The following DCC variants were observed in gnomAD, a reference collection of about 807,000 sequenced individuals.
The protein encoded by DCC is netrin receptor DCC.
DCC carries 58 observed loss-of-function variants against 172.5 expected under a neutral mutation model. The ratio of observed to expected loss-of-function variants is 0.34; its 90% CI spans 0.27 to 0.42. The LOEUF (loss-of-function observed/expected upper bound fraction) is 0.42. Among genes scored for constraint, DCC ranks in the 10% least tolerant of loss-of-function variants. The probability of loss-of-function intolerance (pLI) is 1.00; values close to 1 mark genes in which losing one functional copy is unlikely to be tolerated. For synonymous variants in DCC, 709 were observed against 644.5 expected (o/e 1.10, Z -1.52); for missense variants, 1,740 against 1,791.0 (o/e 0.97, Z 0.51).
chr18:52,994,023 A>T (rs2041438757), intron 5 of DCC, among the ~76,000 whole-genome samples: 1 of 152,102 alleles, frequency 6.6e-6, no homozygotes, highest in South Asian at 2.1e-4. Context: ...ACACTGACAA[A>T]ACTATCCAGC....
chr18:52,718,183 G>A (rs1293745761), intron 1 of DCC, among the ~76,000 whole-genome samples: 1 of 152,028 alleles, frequency 6.6e-6, no homozygotes, highest in Non-Finnish European at 1.5e-5. Flanking sequence ...TTCTAGGTAA[G>A]TGTTTTGCTT....
intron 15 of DCC, among the ~76,000 whole-genome samples, chr18:53,364,834 G>A (rs2057985229): frequency 6.6e-6 from 1 of 152,012 alleles, no homozygotes; most frequent in South Asian, 2.1e-4. Flanking sequence ...TCCCACAAAT[G>A]TACATGTGCA....
At chr18:52,964,114 G>A (rs894629964) in intron 5 of DCC, among the ~76,000 whole-genome samples, 2 of 152,136 alleles carry the variant, frequency 1.3e-5, no homozygotes, top group Non-Finnish European at 1.5e-5. Context: ...AGAGCATAGA[G>A]AGAATAAATA....
At chr18:53,419,008 AC>A (rs1311334047) in intron 21 of DCC, among the ~76,000 whole-genome samples, 3 of 152,172 alleles carry the variant, frequency 2.0e-5, no homozygotes, top group Non-Finnish European at 4.4e-5. Flanking sequence ...TCTTCCAGGC[AC>A]AGGTGGCAAA....
intron 4 of DCC, among the ~76,000 whole-genome samples, chr18:52,924,594 T>A (rs963095756): frequency 1.3e-5 from 2 of 152,106 alleles, no homozygotes; most frequent in African/African-American, 2.4e-5. Flanking sequence ...TCTTACTTAA[T>A]TTCATTGATT....
chr18:53,386,421 C>T (rs1463607480), intron 16 of DCC, among the ~76,000 whole-genome samples: 1 of 152,080 alleles, frequency 6.6e-6, no homozygotes, highest in East Asian at 1.9e-4. Context: ...CAATCTGTTC[C>T]TTCCCAATAG....
intron 7 of DCC, among the ~76,000 whole-genome samples, chr18:53,103,780 C>T (rs1049605760): frequency 6.6e-6 from 1 of 151,976 alleles, no homozygotes; most frequent in Non-Finnish European, 1.5e-5. Flanking sequence ...TGAATGGATT[C>T]TTCTGCCACA....
At chr18:53,291,558 TC>T (rs1448329391) in intron 12 of DCC, among the ~76,000 whole-genome samples, 3 of 152,218 alleles carry the variant, frequency 2.0e-5, no homozygotes, top group African/African-American at 7.2e-5. Context: ...CACTGTATTT[TC>T]TGCCTTAAAT....
intron 5 of DCC, among the ~76,000 whole-genome samples, chr18:53,001,279 A>C (rs2041561212): frequency 6.6e-6 from 1 of 152,140 alleles, no homozygotes; most frequent in South Asian, 2.1e-4. Context: ...AGGAGAGTTC[A>C]TAAGTTTGTC....
At chr18:53,425,357 C>CT (rs747096336) in intron 21 of DCC, among the ~76,000 whole-genome samples, 6,343 of 101,560 alleles carry the variant, frequency 0.062, 620 homozygotes, top group African/African-American at 0.16. Flanking sequence ...TTTCTCCTCT[C>CT]TTTTTTTTTT....
intron 7 of DCC, among the ~76,000 whole-genome samples, chr18:53,099,114 C>T (rs2043126932): frequency 6.6e-6 from 1 of 152,062 alleles, no homozygotes; most frequent in Non-Finnish European, 1.5e-5. Flanking sequence ...GTTTTAATAG[C>T]CACTTATGTT....
intron 1 of DCC, among the ~76,000 whole-genome samples, chr18:52,641,682 C>T (rs886829797): frequency 6.6e-6 from 1 of 151,856 alleles, no homozygotes; most frequent in Non-Finnish European, 1.5e-5. Flanking sequence ...CTTATTCCTG[C>T]AAGAATGGCC....
intron 2 of DCC, among the ~76,000 whole-genome samples, chr18:52,765,107 CA>C (rs2145155188): frequency 6.6e-6 from 1 of 151,504 alleles, no homozygotes; most frequent in South Asian, 2.1e-4. Context: ...CAGCTCACTG[CA>C]ACCTCCGCCT....
chr18:52,802,525 A>G (rs1175496797), intron 2 of DCC, among the ~76,000 whole-genome samples: 2 of 149,664 alleles, frequency 1.3e-5, no homozygotes, highest in African/African-American at 4.9e-5. Flanking sequence ...TCCAGGCTGC[A>G]GGGCAGTGGC....
At chr18:52,970,481 C>T (rs2041012498) in intron 5 of DCC, among the ~76,000 whole-genome samples, 1 of 151,998 alleles carries the variant, frequency 6.6e-6, no homozygotes, top group African/African-American at 2.4e-5. Context: ...GTATATATAT[C>T]AACATTACTC....
chr18:52,808,986 A>T (rs111450059), intron 2 of DCC, among the ~76,000 whole-genome samples: 10 of 152,258 alleles, frequency 6.6e-5, no homozygotes, highest in African/African-American at 1.9e-4. Context: ...CCCTAGGTTT[A>T]TGTCTACAAA....
intron 8 of DCC, among the ~76,000 whole-genome samples, chr18:53,161,449 T>C (rs1188627714): frequency 6.6e-6 from 1 of 152,214 alleles, no homozygotes. Flanking sequence ...GATCTGCACA[T>C]ATCAAATTGC....
chr18:53,161,890 G>T (rs2054845395), intron 8 of DCC, among the ~76,000 whole-genome samples: 1 of 151,944 alleles, frequency 6.6e-6, no homozygotes, highest in Non-Finnish European at 1.5e-5. Context: ...TTGGAAGGCT[G>T]GTTATGATTT....
At chr18:53,083,663 T>C (rs1323366737) in intron 7 of DCC, among the ~76,000 whole-genome samples, 2 of 152,164 alleles carry the variant, frequency 1.3e-5, no homozygotes, top group African/African-American at 4.8e-5. Flanking sequence ...AAAAATATGA[T>C]GGCATACTTC....
Sources: allele counts gnomAD v4.1 joint callset (sites outside exome capture counted in the v4.1 genomes callset), GRCh38; gene constraint gnomAD v4.1.1; transcripts MANE v1.5; gene names NCBI Gene and HGNC (gene_info 2026-07-23, HGNC 2026-07-21).